FRAS1: variants seen among roughly 807,000 people sequenced by gnomAD.
FRAS1 encodes Fraser extracellular matrix complex subunit 1, also known as extracellular matrix organizing protein FRAS1.
A neutral mutation model predicts 435.2 loss-of-function variants in FRAS1; 290 were observed. The observed-to-expected ratio is 0.67, with a 90% CI of 0.61 to 0.73. FRAS1 has a LOEUF of 0.73. FRAS1 is among the 30% of genes least tolerant of loss of function. The pLI is 0.00. For missense variants in FRAS1, 4,860 were observed against 5,001.5 expected, an observed-to-expected ratio of 0.97 and a Z score of 0.85; for synonymous variants, 1,800 against 1,851.0, an observed-to-expected ratio of 0.97 and a Z score of 0.71.
intron 2 of FRAS1, among the ~76,000 whole-genome samples, chr4:78,092,124 G>A (rs1251945424): frequency 6.6e-6 from 1 of 152,024 alleles, no homozygotes; most frequent in Non-Finnish European, 1.5e-5. Context: ...TTTTGGTGGT[G>A]AGAAGTGTAG....
At chr4:78,307,525 T>C (rs1427089121) in intron 14 of FRAS1, among the ~76,000 whole-genome samples, 3 of 152,188 alleles carry the variant, frequency 2.0e-5, no homozygotes, top group Non-Finnish European at 4.4e-5. Flanking sequence ...GGCGTAGGAC[T>C]CTCCGAGCCA....
chr4:78,307,323 C>G (rs1213716455), intron 14 of FRAS1, among the ~76,000 whole-genome samples: 1 of 152,246 alleles, frequency 6.6e-6, no homozygotes, highest in African/African-American at 2.4e-5. Flanking sequence ...TTTTGTTTGT[C>G]TGTGCCCTGC....
At chr4:78,412,329 TC>T (rs899810607) in intron 31 of FRAS1, among the ~76,000 whole-genome samples, 1 of 152,192 alleles carries the variant, frequency 6.6e-6, no homozygotes, top group Non-Finnish European at 1.5e-5. Flanking sequence ...AAGAGGGTGG[TC>T]CAGTAACTGA....
chr4:78,472,289 A>T lies in FRAS1; in HGVS notation c.7481A>T (p.Asn2494Ile), dbSNP rs763169059. The change falls in exon 52 of 74, where the codon AAC becomes ATC. Residue 2494 changes from asparagine to isoleucine, a missense_variant. Transcript: ENST00000512123. ...GGCCCTAAGCATGGCTTTGTGGAGA[A>T]CAAGCTGCAGCCTGGCAGAGCTGCT... Reference protein sequence around the residue: ...TTGPKHGFVENKLQPGRAAAT... With the variant: ...TTGPKHGFVEIKLQPGRAAAT... The T allele has an allele frequency of 6.2e-7, 1 of 1,611,440 alleles. No homozygotes were observed. Among genetic ancestry groups the T allele is most frequent in the Non-Finnish European group, 8.5e-7 (1 of 1,178,320 alleles).
intron 7 of FRAS1, among the ~76,000 whole-genome samples, chr4:78,265,853 C>CG (rs1247898267): frequency 6.6e-6 from 1 of 152,132 alleles, no homozygotes; most frequent in African/African-American, 2.4e-5. Context: ...AAATCTGAAA[C>CG]TAAGTATTAG....
chr4:78,217,193 G>A (rs1205062070), intron 2 of FRAS1, among the ~76,000 whole-genome samples: 1 of 152,124 alleles, frequency 6.6e-6, no homozygotes, highest in East Asian at 1.9e-4. Flanking sequence ...CTGCCTTTTT[G>A]TTCTATTCAG....
chr4:78,077,295 C>T (rs955399277), intron 2 of FRAS1, among the ~76,000 whole-genome samples: 7 of 151,984 alleles, frequency 4.6e-5, no homozygotes, highest in East Asian at 1.9e-4. Flanking sequence ...GCTTGATCCC[C>T]GGAAGTCAAG....
chr4:78,265,095 G>T lies in FRAS1; in HGVS notation c.674G>T (p.Gly225Val), dbSNP rs372890658. 1.9e-6 allele frequency: 3 copies of T among 1,611,756 alleles called. No homozygotes were observed. The highest frequency in any genetic ancestry group is 2.5e-6 in the Non-Finnish European group (3 of 1,178,582). The change falls in exon 7 of 74, where the codon GGC becomes GTC. Residue 225 changes from glycine to valine, a missense_variant. Coordinates refer to ENST00000512123, the MANE Select transcript of FRAS1 (RefSeq NM_025074.7). ...TCTGCAAGATCCTGCTCTGCAGCTG[G>T]CCAAGTATACGAGGTAAGCTTTCAT... The part of the protein sequence containing the change: ...QCSARSCSAA[G>V]QVYEHGEQWS...
chr4:78,423,277 C>T (rs753757113), intron 34 of FRAS1, among the ~76,000 whole-genome samples: 1 of 152,004 alleles, frequency 6.6e-6, no homozygotes, highest in Non-Finnish European at 1.5e-5. Context: ...AGCAATTCTC[C>T]TGCCCCAGCC....
Position 78,441,263 on chromosome 4 carries a change from G to C in FRAS1, c.5631G>C (p.Leu1877=), listed in dbSNP as rs755499287. The C allele has an allele frequency of 1.2e-6, 2 of 1,613,178 alleles. No individual in the cohort carries two copies. The highest frequency in any genetic ancestry group is 2.7e-5 in the African/African-American group (2 of 75,004). ...ATGCCATCATTAAACTAAGTGCTCTGCCCAAATATGGCTGCATTGAGAACA... is the reference window on the plus strand; with the variant it reads ...ATGCCATCATTAAACTAAGTGCTCTCCCCAAATATGGCTGCATTGAGAACA... ...QRDAIIKLSA[L]PKYGCIENTG... The change falls in exon 41 of 74, where the codon CTG becomes CTC. Residue 1877 remains leucine, a synonymous_variant. Coordinates refer to ENST00000512123, the MANE Select transcript of FRAS1 (RefSeq NM_025074.7).
intron 47 of FRAS1, among the ~76,000 whole-genome samples, chr4:78,456,973 A>G (rs1719221985): frequency 6.6e-6 from 1 of 152,146 alleles, no homozygotes; most frequent in African/African-American, 2.4e-5. Flanking sequence ...GTCTCACCCC[A>G]CGTGCTTCAT....
At chr4:78,279,847 C>T (rs1208825808) in intron 10 of FRAS1, among the ~76,000 whole-genome samples, 2 of 152,090 alleles carry the variant, frequency 1.3e-5, no homozygotes, top group African/African-American at 4.8e-5. Context: ...CCCCACTTAC[C>T]ACAGAATATG....
chr4:78,116,631 T>C (rs955632951), intron 2 of FRAS1, among the ~76,000 whole-genome samples: 1 of 152,238 alleles, frequency 6.6e-6, no homozygotes, highest in East Asian at 1.9e-4. Flanking sequence ...AAGTCTGTTT[T>C]ATCAGAGACT....
chr4:78,333,219 CTG>C lies in FRAS1; in HGVS notation c.2138-49_2138-48del, dbSNP rs572548746. ...TTAATGGGAGAGATAGAGTTACTGT[CTG>C]TGTCACGTGGGGCTTTCCTGATTGT... On this transcript the variant is annotated intron_variant, in intron 18 of 73. Transcript: ENST00000512123. 8.6e-5 allele frequency: 135 copies of C among 1,563,670 alleles called. 1 individual carries two copies. In the South Asian group the frequency reaches 1.6e-3, roughly 18 times the overall value.
Position 78,540,659 on chromosome 4 carries a change from C to G in FRAS1, c.11574C>G (p.Pro3858=). Residue 3858 remains proline (P), a synonymous_variant, in exon 74 of 74, where the codon CCC becomes CCG. Coordinates refer to ENST00000512123, the MANE Select transcript of FRAS1 (RefSeq NM_025074.7). The part of the protein sequence containing the change: ...LRRNRRDLVE[P]DGQLILDDSL... ...GCAACCGAAGGGACCTGGTAGAGCC[C>G]GATGGCCAGCTGATCCTTGATGATT... 1 of 1,611,826 alleles carries G rather than the reference C, an allele frequency of 6.2e-7. No individual in the cohort carries two copies. Among genetic ancestry groups the G allele is most frequent in the South Asian group, 1.1e-5 (1 of 90,682 alleles).
chr4:78,357,489 G>C (rs540502739), intron 20 of FRAS1, among the ~76,000 whole-genome samples: 24 of 152,150 alleles, frequency 1.6e-4, no homozygotes, highest in Non-Finnish European at 3.1e-4. Flanking sequence ...CAAAGGGAAT[G>C]GTTCCTCTGC....
intron 70 of FRAS1, among the ~76,000 whole-genome samples, chr4:78,530,607 A>G (rs1322102933): frequency 6.6e-6 from 1 of 152,160 alleles, no homozygotes; most frequent in African/African-American, 2.4e-5. Flanking sequence ...ACTGGACTCC[A>G]TTGCTTGTTT....
At chr4:78,248,232 G>A (rs111531489) in intron 4 of FRAS1, among the ~76,000 whole-genome samples, 3,140 of 152,292 alleles carry the variant, frequency 0.021, 44 homozygotes, top group Non-Finnish European at 0.033. Context: ...TATGACCTTC[G>A]CAAAGCTATA....
intron 47 of FRAS1, among the ~76,000 whole-genome samples, chr4:78,457,786 G>A (rs1277649766): frequency 6.6e-6 from 1 of 152,130 alleles, no homozygotes; most frequent in East Asian, 1.9e-4. Context: ...TTTCTACTTT[G>A]TACTCACTGC....
Sources: allele counts gnomAD v4.1 joint callset (sites outside exome capture counted in the v4.1 genomes callset), GRCh38; gene constraint gnomAD v4.1.1; transcripts MANE v1.5; gene names NCBI Gene and HGNC (gene_info 2026-07-23, HGNC 2026-07-21).